Variants in TTC34 observed in about 807,000 individuals in gnomAD.
The protein encoded by TTC34 is tetratricopeptide repeat domain 34.
TTC34 carries 44 observed loss-of-function variants against 40.7 expected under a neutral mutation model. The ratio of observed to expected loss-of-function variants is 1.08; its 90% CI spans 0.85 to 1.39. TTC34 has a LOEUF of 1.39. TTC34 is among the 40% of genes most tolerant of loss of function. The probability of loss-of-function intolerance (pLI) is 0.00; values close to 1 mark genes in which losing one functional copy is unlikely to be tolerated. For synonymous variants in TTC34, 422 were observed against 398.6 expected (o/e 1.06, Z -0.70); for missense variants, 884 against 838.0 (o/e 1.05, Z -0.68).
At chr1:2,785,886 G>A (rs897478379) in exon 5 of TTC34, 21 of 1,538,082 alleles carry the variant, frequency 1.4e-5, no homozygotes, top group Admixed American at 1.2e-4. Flanking sequence ...CGTCGGCCCC[G>A]CCTGGCCGTG....
At chr1:2,775,300 A>G (rs1207325321) in intron 6 of TTC34, 2 of 150,488 alleles carry the variant, frequency 1.3e-5, no homozygotes, top group Non-Finnish European at 2.9e-5. Context: ...CCTGGAACAG[A>G]ATTCTCCAAC....
At chr1:2,768,074 G>A (rs1052731096) in intron 6 of TTC34, among the ~76,000 whole-genome samples, 2 of 151,348 alleles carry the variant, frequency 1.3e-5, no homozygotes, top group South Asian at 2.1e-4. Flanking sequence ...AGCCAGGAAC[G>A]GCAACCCACA....
At chr1:2,647,879 T>G (rs1246440864) in intron 6 of TTC34, among the ~76,000 whole-genome samples, 1 of 152,198 alleles carries the variant, frequency 6.6e-6, no homozygotes, top group African/African-American at 2.4e-5. Flanking sequence ...ATAATTTTCT[T>G]TGGTCTATAC....
chr1:2,778,454 C>T (rs576570876), intron 6 of TTC34, among the ~76,000 whole-genome samples: 4 of 152,320 alleles, frequency 2.6e-5, no homozygotes, highest in East Asian at 1.9e-4. Context: ...CCATCCCTGC[C>T]GTGCATCCTG....
exon 2 of TTC34, chr1:2,800,564 C>A (rs1457783617): frequency 5.0e-6 from 2 of 398,238 alleles, no homozygotes; most frequent in Non-Finnish European, 8.9e-6. Flanking sequence ...CAGAGGCCAG[C>A]GACCCTGTCA....
exon 3 of TTC34, chr1:2,789,648 C>G (rs1310188518): frequency 7.5e-7 from 1 of 1,341,970 alleles, no homozygotes; most frequent in Non-Finnish European, 9.5e-7. Context: ...TTCCAGGGCA[C>G]GTAGGCCTTG....
chr1:2,698,549 C>A (rs972501327), intron 6 of TTC34, among the ~76,000 whole-genome samples: 1 of 117,656 alleles, frequency 8.5e-6, no homozygotes. Context: ...CATCGGGCAG[C>A]CTGGAGCAGC....
chr1:2,688,516 T>C (rs1189742769), intron 6 of TTC34, among the ~76,000 whole-genome samples: 1 of 89,014 alleles, frequency 1.1e-5, no homozygotes, highest in Admixed American at 1.3e-4. Flanking sequence ...TGACAGCCTG[T>C]AACAGTACCC....
In TTC34 at chr1:2,796,605, C is replaced by G. The variant is rs925711866; in HGVS notation, c.784+3439G>C. On this transcript the variant is annotated intron_variant, in intron 2 of 8. Transcript: ENST00000401095. This position sits in a 1 kb window ranked among gnomAD's most constrained non-coding sequence, Gnocchi z 4.5. Reference sequence around the variant, plus strand: ...TTCTGCAGAGAGCTTTAGTGTGACCCCCACCCACACCCTTAAGTCATGCCC... The same window carrying G: ...TTCTGCAGAGAGCTTTAGTGTGACCGCCACCCACACCCTTAAGTCATGCCC... 6.6e-6 allele frequency among the ~76,000 whole-genome samples: 1 copy of G among 152,020 alleles called. No homozygotes were observed. Among genetic ancestry groups the G allele is most frequent in the Non-Finnish European group, 1.5e-5 (1 of 68,018 alleles).
At chr1:2,783,013 T>C (rs1643509603) in intron 6 of TTC34, among the ~76,000 whole-genome samples, 1 of 152,220 alleles carries the variant, frequency 6.6e-6, no homozygotes, top group South Asian at 2.1e-4. Context: ...CCCCAGCTGA[T>C]TGGGATCTGT....
chr1:2,676,952 G>A (rs1411513030), intron 6 of TTC34, among the ~76,000 whole-genome samples: 10 of 148,310 alleles, frequency 6.7e-5, no homozygotes, highest in African/African-American at 1.8e-4. Flanking sequence ...CTGACAGCAT[G>A]GAACAGCACC....
At chr1:2,641,461 C>G in exon 9 of TTC34, 3 of 1,535,656 alleles carry the variant, frequency 2.0e-6, no homozygotes, top group Non-Finnish European at 2.6e-6. Flanking sequence ...GGAGGCCGCT[C>G]TCTACCGCCG....
intron 6 of TTC34, among the ~76,000 whole-genome samples, chr1:2,760,505 G>T (rs1641659617): frequency 2.0e-5 from 1 of 50,760 alleles, no homozygotes; most frequent in Non-Finnish European, 3.0e-5. Context: ...GCATCTGACA[G>T]CCTGGAGCAG....
chr1:2,649,665 G>T (rs1346733432), intron 6 of TTC34, among the ~76,000 whole-genome samples: 2 of 152,180 alleles, frequency 1.3e-5, no homozygotes, highest in African/African-American at 2.4e-5. Flanking sequence ...TCAGCCTCCT[G>T]AGTAGCTGCG....
chr1:2,754,856 C>T (rs1405298142), intron 6 of TTC34, among the ~76,000 whole-genome samples: 22 of 103,954 alleles, frequency 2.1e-4, no homozygotes, highest in African/African-American at 1.1e-3. Flanking sequence ...ACAGCACCCA[C>T]ATGCCCAGCT....
At position 2,787,661 on chromosome 1, in the gene TTC34, C is replaced by T. The variant is rs143744177; in HGVS notation, c.1674G>A (p.Leu558=). The T allele has an allele frequency of 5.8e-5, 90 of 1,549,442 alleles. 1 individual carries two copies. The African/African-American group carries it at 1.1e-3, about 19-fold the overall frequency. Reference sequence around the variant, plus strand: ...GGCGAGAGGCCTCGTCCTCTGAATCCAGCTCCATCAGCAGTGTGGCCAGCT... The same window carrying T: ...GGCGAGAGGCCTCGTCCTCTGAATCTAGCTCCATCAGCAGTGTGGCCAGCT... The change falls in exon 4 of 9, where the codon CTG becomes CTA. Residue 558 remains leucine (L), a synonymous_variant. Transcript: ENST00000401095.
chr1:2,786,064 G>A (rs562046314), intron 4 of TTC34, 41 bp from the exon 5 acceptor site: 46 of 1,414,818 alleles, frequency 3.3e-5, no homozygotes, highest in Middle Eastern at 1.9e-4. Context: ...CCTTGGGACC[G>A]ATGCCCTGGA....
At chr1:2,785,861 T>G (rs1643579746) in exon 5 of TTC34, 1 of 1,545,084 alleles carries the variant, frequency 6.5e-7, no homozygotes, top group Non-Finnish European at 8.7e-7. Context: ...ATGGCCTCCT[T>G]GGTGTGAACC....
chr1:2,764,145 C>A (rs1641720061), intron 6 of TTC34, among the ~76,000 whole-genome samples: 1 of 146,694 alleles, frequency 6.8e-6, no homozygotes. Context: ...CCCACTCTTC[C>A]AGGTGAGAAT....
Sources: gnomAD v4.1 joint callset for allele counts (sites outside exome capture counted in the v4.1 genomes callset) on GRCh38, gnomAD v4.1.1 for gene constraint, Gnocchi (gnomAD v3.1) non-coding constraint, MANE v1.5 for transcripts, NCBI Gene and HGNC (gene_info 2026-07-23, HGNC 2026-07-21) for gene names.